Variants in GAK observed in about 807,000 individuals in gnomAD.
GAK encodes cyclin G associated kinase, also known as cyclin-G-associated kinase.
In GAK, 79 loss-of-function variants were observed where a neutral mutation model predicts 143.9. That is an observed-to-expected ratio of 0.55 (90% CI 0.46 to 0.66). GAK has a LOEUF of 0.66. Among genes scored for constraint, GAK ranks in the 30% least tolerant of loss-of-function variants. The pLI is 0.00. For missense variants in GAK, 1,693 were observed against 1,779.7 expected (o/e 0.95, Z 0.88); for synonymous variants, 881 against 765.5 (o/e 1.15, Z -2.49).
At chr4:894,153 T>G in intron 7 of GAK, 144 bp from the exon 8 acceptor site, 2 of 842,060 alleles carry the variant, frequency 2.4e-6, no homozygotes, top group East Asian at 3.4e-5. Context: ...GGGGTGACAC[T>G]GGGGACTGCA....
At chr4:918,174 G>T (rs1723358280) in intron 1 of GAK, among the ~76,000 whole-genome samples, 1 of 152,146 alleles carries the variant, frequency 6.6e-6, no homozygotes, top group African/African-American at 2.4e-5. Context: ...ATGCAAGGTT[G>T]GTGTAACATT....
chr4:882,135 G>A, intron 14 of GAK, 95 bp from the exon 15 acceptor site: 3 of 1,325,564 alleles, frequency 2.3e-6, no homozygotes, highest in Non-Finnish European at 3.1e-6. Context: ...TGTGGCTGCA[G>A]GGACGCAGGG....
chr4:864,990 C>A (rs1441828890), intron 23 of GAK, 132 bp downstream of exon 23: 12 of 1,273,716 alleles, frequency 9.4e-6, no homozygotes, highest in Non-Finnish European at 1.3e-5. Flanking sequence ...GGAGCCCGCA[C>A]CACCAAGCAC....
At chr4:877,037 C>T in intron 17 of GAK, 53 bp downstream of exon 17, 2 of 1,278,558 alleles carry the variant, frequency 1.6e-6, no homozygotes, top group Admixed American at 3.5e-5. Flanking sequence ...CCCCAGCCCC[C>T]CATGAGCCTA....
At chr4:893,313 T>C in intron 9 of GAK, 64 bp downstream of exon 9, 3 of 1,204,768 alleles carry the variant, frequency 2.5e-6, no homozygotes, top group Non-Finnish European at 3.4e-6. Flanking sequence ...GCGGGGGATC[T>C]GGGGCTCATG....
intron 18 of GAK, among the ~76,000 whole-genome samples, chr4:871,613 C>G (rs553637114): frequency 6.6e-6 from 1 of 151,604 alleles, no homozygotes; most frequent in Non-Finnish European, 1.5e-5. Flanking sequence ...CAGAGGTCAG[C>G]AGGGCCTGCC....
intron 1 of GAK, among the ~76,000 whole-genome samples, chr4:921,260 G>A (rs1026907008): frequency 6.6e-6 from 1 of 152,064 alleles, no homozygotes; most frequent in Non-Finnish European, 1.5e-5. Flanking sequence ...GCGTCACCAC[G>A]CCCGGCTAAT....
At chr4:880,045 C>A (rs1714773172) in intron 15 of GAK, among the ~76,000 whole-genome samples, 1 of 151,744 alleles carries the variant, frequency 6.6e-6, no homozygotes, top group South Asian at 2.1e-4. Flanking sequence ...GACGAATGCC[C>A]CACTGGACCA....
chr4:871,162 G>A (rs915678040), intron 18 of GAK, among the ~76,000 whole-genome samples: 2 of 152,252 alleles, frequency 1.3e-5, no homozygotes, highest in South Asian at 2.1e-4. Flanking sequence ...CTCCTCGGAC[G>A]TCACAGTGGG....
At position 898,158 on chromosome 4, in the gene GAK, C is replaced by T; in HGVS notation, c.526G>A (p.Val176Ile). Reference protein sequence around the residue: ...KPPIIHRDLKVENLLLSNQGT... With the variant: ...KPPIIHRDLKIENLLLSNQGT... ...TGGTTACTAAGCAACAAGTTCTCAA[C>T]CTGTAAAATTCCACAAGACAGCCCC... The change falls in exon 6 of 28, where the codon GTT becomes ATT. Residue 176 changes from valine (V) to isoleucine (I), a missense_variant and splice_region_variant. Physicochemically the swap from Val to Ile is conservative, Grantham distance 29 (BLOSUM62 3). This residue lies in a region of GAK where 871 missense variants were observed against 991.0 expected (regional missense o/e 0.88). Coordinates refer to ENST00000314167, the MANE Select transcript of GAK (RefSeq NM_005255.4). 2 of 1,613,956 alleles carry T rather than the reference C, an allele frequency of 1.2e-6. No homozygotes were observed.
chr4:865,854 C>T (rs1354868679), intron 22 of GAK, among the ~76,000 whole-genome samples: 1 of 152,254 alleles, frequency 6.6e-6, no homozygotes, highest in Non-Finnish European at 1.5e-5. Context: ...GCGCAGCCCT[C>T]TCCCAGGGCC....
At chr4:849,837 C>CCCCCCCCCCCCCCCCCCCCCA in intron 27 of GAK, 55 bp downstream of exon 27, 1 of 1,093,108 alleles carries the variant, frequency 9.1e-7, no homozygotes, top group Non-Finnish European at 1.3e-6. Flanking sequence ...GGGCAGGACC[C>CCCCCCCCCCCCCCCCCCCCCA]CCCCCCCGCC....
rs773807011 is a variant in GAK, at chr4:904,746, G to C, written c.416C>G (p.Ser139Cys). 11 of 1,614,194 alleles carry C rather than the reference G, an allele frequency of 6.8e-6. No individual in the cohort carries two copies. The highest frequency in any genetic ancestry group is 6.8e-6 in the Non-Finnish European group (8 of 1,180,010). The part of the protein sequence containing the change: ...QLVEFLKKME[S>C]RGPLSCDTVL... The stretch of plus-strand genomic sequence containing the variant: ...CGTGTCGCACGAAAGGGGGCCTCGA[G>C]ATTCCATTTTCTTCAAAAATTCCAC... The change falls in exon 5 of 28, where the codon TCT becomes TGT. Residue 139 changes from serine to cysteine, a missense_variant. Physicochemically the swap from Ser to Cys is moderately radical, Grantham distance 112. This residue lies in a region of GAK where 871 missense variants were observed against 991.0 expected (regional missense o/e 0.88). Coordinates refer to ENST00000314167, the MANE Select transcript of GAK (RefSeq NM_005255.4).
In GAK at chr4:911,680, G is replaced by C. The variant is rs757801835; in HGVS notation, c.375C>G (p.Leu125=). 2.5e-6 allele frequency: 4 copies of C among 1,612,398 alleles called. No individual in the cohort carries two copies. In the East Asian group the frequency reaches 8.9e-5, roughly 36 times the overall value. The change falls in exon 4 of 28, where the codon CTC becomes CTG. Residue 125 remains leucine, a synonymous_variant. Transcript: ENST00000314167. ...GQAEFLLLTE[L]CKGQLVEFLK... is the part of the protein sequence containing the mutation. ...GCCTTCACAGGACGTTACCTTTACA[G>C]AGCTCTGTGAGCAAGAGGAACTCAG...
At chr4:875,547 G>C (rs1224668395) in intron 18 of GAK, among the ~76,000 whole-genome samples, 2 of 152,238 alleles carry the variant, frequency 1.3e-5, no homozygotes, top group African/African-American at 2.4e-5. Context: ...GGAACCAAGA[G>C]CACAGAGCCT....
chr4:896,527 A>G lies in GAK; in HGVS notation c.674T>C (p.Met225Thr), dbSNP rs780279832. 9 of 1,613,310 alleles carry G rather than the reference A, an allele frequency of 5.6e-6. No homozygotes were observed. The highest frequency in any genetic ancestry group is 1.7e-5 in the Admixed American group (1 of 60,012). ...EEEITRNTTPMYRTPEIIDLY... is the reference protein window; with the variant it reads ...EEEITRNTTPTYRTPEIIDLY... ...GTCTATGATTTCTGGTGTTCTATACATTGGTGTTGTATTCCTCGTGATCTG... is the reference window on the plus strand; with the variant it reads ...GTCTATGATTTCTGGTGTTCTATACGTTGGTGTTGTATTCCTCGTGATCTG... The change falls in exon 7 of 28, where the codon ATG (methionine) becomes ACG (threonine). Residue 225 changes from methionine (M) to threonine (T), a missense_variant. This residue lies in a region of GAK where 871 missense variants were observed against 991.0 expected (regional missense o/e 0.88). Transcript: ENST00000314167.
chr4:890,568 G>C lies in GAK; in HGVS notation c.1045C>G (p.Pro349Ala), dbSNP rs767162787. ...CCACTGCCAGCGGGGCCCACGGGAG[G>C]GGGTGGCCCTCGGGACAGTGTGGCG... The part of the protein sequence containing the change: ...GSATLSRGPP[P>A]PVGPAGSGYS... Residue 349 changes from proline to alanine, a missense_variant, in exon 10 of 28, where the codon CCT becomes GCT. By Grantham distance (27) the Pro-to-Ala change is conservative (BLOSUM62 -1). Transcript: ENST00000314167. 6.2e-7 allele frequency: 1 copy of C among 1,611,456 alleles called. No homozygotes were observed. The highest frequency in any genetic ancestry group is 1.7e-5 in the Admixed American group (1 of 59,882).
chr4:895,900 G>C (rs912751242), intron 7 of GAK, among the ~76,000 whole-genome samples: 3 of 152,176 alleles, frequency 2.0e-5, no homozygotes. Context: ...CGGGGCCGAG[G>C]GGAGCCTCAG....
In GAK at chr4:920,574, T is replaced by C. The variant is rs1723769169; in HGVS notation, c.146-6906A>G. Among the ~76,000 whole-genome samples, 3 of 141,166 alleles carry C rather than the reference T, an allele frequency of 2.1e-5. No homozygotes were observed. The Admixed American group carries it at 2.1e-4, about 10-fold the overall frequency. The allele number at this position is 141,166 out of a possible 152,430, so 92.6% of individuals were successfully genotyped here. On this transcript the variant is annotated intron_variant, in intron 1 of 27. Coordinates refer to ENST00000314167, the MANE Select transcript of GAK (RefSeq NM_005255.4). ...TTTTTTTTTTTTTGAGACGGAGTCT[T>C]GGTCTGTTGCCCAGGCTGCGGTGCA...
Sources: gnomAD v4.1 joint callset for allele counts (sites outside exome capture counted in the v4.1 genomes callset) on GRCh38, gnomAD v4.1.1 for gene constraint, gnomAD v4.1.1 regional missense constraint, MANE v1.5 for transcripts, NCBI Gene and HGNC (gene_info 2026-07-23, HGNC 2026-07-21) for gene names.